FGD4: variants seen among roughly 807,000 people sequenced by gnomAD.
The protein encoded by FGD4 is FYVE, RhoGEF and PH domain containing 4, also known as FYVE, RhoGEF and PH domain-containing protein 4.
FGD4 carries 42 observed loss-of-function variants against 102.0 expected under a neutral mutation model. The ratio of observed to expected loss-of-function variants is 0.41; its 90% CI spans 0.32 to 0.53. The LOEUF is 0.53. Ranked by LOEUF, FGD4 falls within the 20% of genes least tolerant of loss-of-function variation. The probability of loss-of-function intolerance (pLI) is 0.21; values close to 1 mark genes in which losing one functional copy is unlikely to be tolerated. For synonymous variants in FGD4, 380 were observed against 375.7 expected (o/e 1.01, Z -0.13); for missense variants, 902 against 1,078.2 (o/e 0.84, Z 2.29).
At chr12:32,418,022 T>C (rs1941489054) in intron 1 of FGD4, among the ~76,000 whole-genome samples, 1 of 147,528 alleles carries the variant, frequency 6.8e-6, no homozygotes, top group Non-Finnish European at 1.5e-5. Flanking sequence ...AGTGGCACAA[T>C]CTCGGCTCAT....
intron 1 of FGD4, among the ~76,000 whole-genome samples, chr12:32,429,944 C>T (rs936285773): frequency 6.6e-6 from 1 of 150,772 alleles, no homozygotes; most frequent in Non-Finnish European, 1.5e-5. Flanking sequence ...AAATTCCTAT[C>T]AGGTTTACTG....
At chr12:32,583,229 C>T (rs1592298047) in intron 4 of FGD4, among the ~76,000 whole-genome samples, 1 of 152,002 alleles carries the variant, frequency 6.6e-6, no homozygotes, top group Non-Finnish European at 1.5e-5. Flanking sequence ...CTCAGCTACT[C>T]GGGAGGCTGA....
chr12:32,562,246 A>G (rs1382573839), intron 1 of FGD4, among the ~76,000 whole-genome samples: 1 of 152,200 alleles, frequency 6.6e-6, no homozygotes, highest in Admixed American at 6.5e-5. Context: ...AGGCCTGTGT[A>G]TAACAGTCTT....
chr12:32,449,855 T>C (rs1394957764), intron 1 of FGD4, among the ~76,000 whole-genome samples: 1 of 152,126 alleles, frequency 6.6e-6, no homozygotes, highest in Non-Finnish European at 1.5e-5. Context: ...CTTCTCACTT[T>C]AGTCTCCCAA....
intron 1 of FGD4, among the ~76,000 whole-genome samples, chr12:32,552,324 A>G (rs141131329): frequency 5.9e-4 from 89 of 152,092 alleles, no homozygotes; most frequent in African/African-American, 2.0e-3. Flanking sequence ...CAGTGGCTCA[A>G]TCTCGGCTCA....
intron 1 of FGD4, among the ~76,000 whole-genome samples, chr12:32,463,802 A>C (rs1943175799): frequency 6.6e-6 from 1 of 152,258 alleles, no homozygotes; most frequent in Admixed American, 6.5e-5. Flanking sequence ...AAGAAGCATT[A>C]GTCCATGTGG....
intron 10 of FGD4, among the ~76,000 whole-genome samples, chr12:32,617,745 T>C (rs1949533030): frequency 6.6e-6 from 1 of 152,228 alleles, no homozygotes; most frequent in Admixed American, 6.5e-5. Context: ...AGAGAAGTAA[T>C]TATTTGTGAA....
At chr12:32,580,430 A>G (rs115582394) in intron 3 of FGD4, among the ~76,000 whole-genome samples, 1 of 152,158 alleles carries the variant, frequency 6.6e-6, no homozygotes, top group Admixed American at 6.6e-5. Context: ...CCCTGTGTCA[A>G]GCGCCACGCT....
At chr12:32,541,149 T>A (rs1471734952) in intron 1 of FGD4, among the ~76,000 whole-genome samples, 1 of 151,772 alleles carries the variant, frequency 6.6e-6, no homozygotes, top group Non-Finnish European at 1.5e-5. Context: ...CAAAAAAAAA[T>A]AGGAAATAAT....
chr12:32,451,650 T>A (rs1395656810), intron 1 of FGD4, among the ~76,000 whole-genome samples: 5 of 151,726 alleles, frequency 3.3e-5, no homozygotes, highest in Non-Finnish European at 2.9e-5. Flanking sequence ...ACACCTGTAA[T>A]CCCAGGAGGG....
chr12:32,566,356 A>G (rs1013168841), intron 2 of FGD4, among the ~76,000 whole-genome samples: 1 of 152,156 alleles, frequency 6.6e-6, no homozygotes, highest in Non-Finnish European at 1.5e-5. Context: ...GGATGGCAAC[A>G]TGAATTTTGG....
chr12:32,637,283 A>G (rs1038750827), intron 15 of FGD4, among the ~76,000 whole-genome samples: 18 of 151,912 alleles, frequency 1.2e-4, no homozygotes, highest in Admixed American at 5.9e-4. Context: ...AGACATACCC[A>G]AGACTGGGTT....
In FGD4 at chr12:32,582,248, A is replaced by G. The variant is rs774466701; in HGVS notation, c.792A>G (p.Ile264Met). The G allele has an allele frequency of 1.1e-4, 181 of 1,614,098 alleles. No homozygotes were observed. The highest frequency in any genetic ancestry group is 1.5e-4 in the Non-Finnish European group (174 of 1,180,048). The change falls in exon 4 of 17, where the codon ATA becomes ATG. Residue 264 changes from isoleucine to methionine, a missense_variant. Transcript: ENST00000534526. ...CTGAACCCTTGCTTGATACGCACATAGTGAATGGAGAAAGAGATGAAACTG... is the reference window on the plus strand; with the variant it reads ...CTGAACCCTTGCTTGATACGCACATGGTGAATGGAGAAAGAGATGAAACTG... ...QASEPLLDTH[I>M]VNGERDETAT...
intron 1 of FGD4, among the ~76,000 whole-genome samples, chr12:32,447,248 A>G (rs2728715): frequency 0.68 from 103,191 of 151,996 alleles, 36,053 homozygotes; most frequent in African/African-American, 0.86. Flanking sequence ...GGGAGTCATT[A>G]GGCTGAAAAT....
At chr12:32,492,939 G>C (rs951762744) in intron 1 of FGD4, among the ~76,000 whole-genome samples, 2 of 152,208 alleles carry the variant, frequency 1.3e-5, no homozygotes, top group African/African-American at 2.4e-5. Flanking sequence ...GGAACAGACA[G>C]TGAAGGTGGA....
At chr12:32,534,548 G>T in intron 1 of FGD4, 1 of 1,285,558 alleles carries the variant, frequency 7.8e-7, no homozygotes, top group South Asian at 1.6e-5. Flanking sequence ...CCCCAGCGTG[G>T]GTCACTTTAT....
chr12:32,416,150 C>G (rs1941404297), intron 1 of FGD4, among the ~76,000 whole-genome samples: 1 of 152,192 alleles, frequency 6.6e-6, no homozygotes, highest in Admixed American at 6.5e-5. Flanking sequence ...CAGGTGTATG[C>G]CACCATGCCC....
intron 2 of FGD4, among the ~76,000 whole-genome samples, chr12:32,572,816 A>G (rs898931052): frequency 6.6e-6 from 1 of 152,176 alleles, no homozygotes; most frequent in Non-Finnish European, 1.5e-5. Context: ...GTGATCTTGT[A>G]TATGTGTTTA....
intron 1 of FGD4, among the ~76,000 whole-genome samples, chr12:32,448,657 G>A (rs1336715906): frequency 2.3e-5 from 3 of 133,052 alleles, no homozygotes; most frequent in Non-Finnish European, 3.3e-5. Flanking sequence ...AAACTCCATC[G>A]CAAAAAAAAA....
Sources: gnomAD v4.1 joint callset for allele counts (sites outside exome capture counted in the v4.1 genomes callset) on GRCh38, gnomAD v4.1.1 for gene constraint, MANE v1.5 for transcripts, NCBI Gene and HGNC (gene_info 2026-07-23, HGNC 2026-07-21) for gene names.